The following NUP85 variants were observed in gnomAD, a reference collection of about 807,000 sequenced individuals.
NUP85 encodes nucleoporin 85.
In NUP85, 23 loss-of-function variants were observed where a neutral mutation model predicts 92.8. That is an observed-to-expected ratio of 0.25 (90% CI 0.18 to 0.35). NUP85 has a LOEUF of 0.35. Ranked by LOEUF, NUP85 falls within the 10% of genes least tolerant of loss-of-function variation. NUP85 has a pLI of 1.00. For missense variants in NUP85, 759 were observed against 822.8 expected (o/e 0.92, Z 0.95); for synonymous variants, 314 against 306.9 (o/e 1.02, Z -0.24).
At chr17:75,212,505 G>A (rs1162089783) in intron 4 of NUP85, among the ~76,000 whole-genome samples, 2 of 118,612 alleles carry the variant, frequency 1.7e-5, no homozygotes, top group African/African-American at 6.5e-5. Context: ...TTGAGACAAG[G>A]TTGCCCAGGC....
chr17:75,217,675 T>C (rs1410913708), intron 6 of NUP85, among the ~76,000 whole-genome samples: 2 of 151,988 alleles, frequency 1.3e-5, no homozygotes, highest in Admixed American at 1.3e-4. Flanking sequence ...CCCGGCTAAT[T>C]TTTGTATTTT....
At chr17:75,225,518 C>T (rs2075757567) in intron 9 of NUP85, 54 bp downstream of exon 9, 3 of 1,595,798 alleles carry the variant, frequency 1.9e-6, no homozygotes, top group Non-Finnish European at 2.6e-6. Flanking sequence ...GGGGCTGTGG[C>T]ATCCAGTGCA....
At chr17:75,206,297 TA>T (rs897218298) in intron 1 of NUP85, among the ~76,000 whole-genome samples, 2 of 152,008 alleles carry the variant, frequency 1.3e-5, no homozygotes, top group Non-Finnish European at 2.9e-5. Flanking sequence ...GTGATGTGTA[TA>T]AAAAAAATTC....
chr17:75,213,131 C>A lies in NUP85; in HGVS notation c.405+12C>A. 1 of 1,613,012 alleles carries A rather than the reference C, an allele frequency of 6.2e-7. No homozygotes were observed. Among genetic ancestry groups the A allele is most frequent in the South Asian group, 1.1e-5 (1 of 90,758 alleles). On this transcript the variant is annotated intron_variant, in intron 5 of 18. Transcript: ENST00000245544. ...AGTTCAGCAGCCAGGTAAGGGGAGT[C>A]ACCTTTATTGTTTTAGCACCACTGT...
chr17:75,210,270 G>A (rs1308733150), intron 3 of NUP85, among the ~76,000 whole-genome samples: 2 of 152,280 alleles, frequency 1.3e-5, no homozygotes, highest in Admixed American at 6.5e-5. Flanking sequence ...TGTGAGAGTC[G>A]TTGAATGAGG....
intron 7 of NUP85, among the ~76,000 whole-genome samples, chr17:75,221,732 G>C (rs2075604087): frequency 6.6e-6 from 1 of 152,168 alleles, no homozygotes; most frequent in Non-Finnish European, 1.5e-5. Context: ...TGGGGTGAGG[G>C]GGCATTGGAG....
At chr17:75,228,748 T>A (rs1371716819) in intron 11 of NUP85, 1 of 985,298 alleles carries the variant, frequency 1.0e-6, no homozygotes, top group African/African-American at 1.7e-5. Flanking sequence ...CACCTTCATA[T>A]GAACATGGAG....
intron 7 of NUP85, among the ~76,000 whole-genome samples, chr17:75,224,876 G>A (rs1213092875): frequency 6.6e-6 from 1 of 151,554 alleles, no homozygotes; most frequent in African/African-American, 2.4e-5. Context: ...GACTACAGCT[G>A]GCTGTTTGAA....
Position 75,235,698 on chromosome 17 carries a change from A to ATCTT in NUP85, c.*21_*24dup. The ATCTT allele has an allele frequency of 6.6e-7, 1 of 1,522,286 alleles. No individual in the cohort carries two copies. Among genetic ancestry groups the ATCTT allele is most frequent in the Non-Finnish European group, 9.1e-7 (1 of 1,099,438 alleles). 94.3% of individuals were successfully genotyped at this position (1,522,286 alleles called of 1,614,324 possible). On this transcript the variant is annotated 3_prime_UTR_variant, in exon 19 of 19. Coordinates refer to ENST00000245544, the MANE Select transcript of NUP85 (RefSeq NM_024844.5). ...TTCCTGAGAACTGCTTCAATGTGGT[A>ATCTT]TCTTTGTATGGCAATGTATATAGAT...
In NUP85 at chr17:75,231,715, C is replaced by T; in HGVS notation, c.1244+77C>T. 2 of 1,603,746 alleles carry T rather than the reference C, an allele frequency of 1.2e-6. No homozygotes were observed. Among genetic ancestry groups the T allele is most frequent in the Admixed American group, 1.7e-5 (1 of 59,922 alleles). On this transcript the variant is annotated intron_variant, in intron 13 of 18. Transcript: ENST00000245544. This position sits in a 1 kb window ranked among gnomAD's most constrained non-coding sequence, Gnocchi z 4.6. ...GTGCCATTGGAGCTTGGACTGTTCTCTCCCAGTTGGCTCCTTGAAGGCTTC... is the reference window on the plus strand; with the variant it reads ...GTGCCATTGGAGCTTGGACTGTTCTTTCCCAGTTGGCTCCTTGAAGGCTTC...
At position 75,218,221 on chromosome 17, in the gene NUP85, G is replaced by C; in HGVS notation, c.512G>C (p.Arg171Pro). The C allele has an allele frequency of 6.2e-7, 1 of 1,613,910 alleles. No individual in the cohort carries two copies. Among genetic ancestry groups the C allele is most frequent in the Non-Finnish European group, 8.5e-7 (1 of 1,179,926 alleles). ...CTCCTCCATCTCCTTGACTGGGTCC[G>C]GCTCCATGTGTGCGAGGTGGACAGT... The part of the protein sequence containing the change: ...PLLLHLLDWV[R>P]LHVCEVDSLS... Residue 171 changes from arginine to proline, a missense_variant, in exon 7 of 19, where the codon CGG becomes CCG. Transcript: ENST00000245544.
intron 14 of NUP85, 35 bp from the exon 15 acceptor site, chr17:75,232,816 T>C (rs2076126858): frequency 6.3e-7 from 1 of 1,587,166 alleles, no homozygotes. Flanking sequence ...ATTTGTGGAG[T>C]GAAAGCCGTT....
At chr17:75,216,921 C>T (rs973693087) in intron 6 of NUP85, among the ~76,000 whole-genome samples, 2 of 152,132 alleles carry the variant, frequency 1.3e-5, no homozygotes, top group Non-Finnish European at 2.9e-5. Context: ...AGTTCTCACT[C>T]TGTCACTTAG....
At chr17:75,208,494 T>C (rs2075158912) in intron 1 of NUP85, 33 bp from the exon 2 acceptor site, 3 of 1,167,692 alleles carry the variant, frequency 2.6e-6, no homozygotes, top group African/African-American at 1.5e-5. Flanking sequence ...AAGAACATTT[T>C]TCATTTTAGA....
intron 4 of NUP85, 54 bp downstream of exon 4, chr17:75,212,116 T>G: frequency 9.8e-6 from 10 of 1,020,486 alleles, no homozygotes; most frequent in African/African-American, 4.9e-5. Context: ...GTGTGGGTAT[T>G]TTGAGTATTT....
rs1289387594 is a variant in NUP85, at chr17:75,212,000, G to A, written c.299G>A (p.Arg100Gln). The change falls in exon 4 of 19, where the codon CGA (arginine) becomes CAA (glutamine). Residue 100 changes from arginine (R) to glutamine (Q), a missense_variant. Physicochemically the swap from Arg to Gln is conservative, Grantham distance 43. Coordinates refer to ENST00000245544, the MANE Select transcript of NUP85 (RefSeq NM_024844.5). ...TATTTCATTTTTTGTAGATTGGTTC[G>A]AGTGAGTAAAAACTACCGATCAGTC... ...TGKSRKSQLV[R>Q]VSKNYRSVIR... 5 of 1,612,672 alleles carry A rather than the reference G, an allele frequency of 3.1e-6. No individual in the cohort carries two copies. The highest frequency in any genetic ancestry group is 4.2e-6 in the Non-Finnish European group (5 of 1,179,358).
At chr17:75,227,417 C>T (rs146853475) in intron 11 of NUP85, among the ~76,000 whole-genome samples, 51 of 146,574 alleles carry the variant, frequency 3.5e-4, no homozygotes, top group African/African-American at 1.1e-3. Context: ...CTCACTGCAA[C>T]CTCCACCTAC....
rs1388248420 is a variant in NUP85, at chr17:75,215,760, A to G, written c.412A>G (p.Ile138Val). ...NGRQFSSQVS[I>V]LSAMELIWNL... is the part of the protein sequence containing the mutation. ...GTCCCCATTTCTTCCTTAGGTCTCC[A>G]TTTTGTCAGCAATGGAGCTCATCTG... is the stretch of plus-strand genomic sequence containing the variant. Residue 138 changes from isoleucine (I) to valine (V), a missense_variant, in exon 6 of 19, where the codon ATT (isoleucine) becomes GTT (valine). Transcript: ENST00000245544. The G allele has an allele frequency of 6.2e-7, 1 of 1,613,916 alleles. No individual in the cohort carries two copies. The highest frequency in any genetic ancestry group is 1.1e-5 in the South Asian group (1 of 91,084).
chr17:75,220,577 TA>T (rs2075568954), intron 7 of NUP85, among the ~76,000 whole-genome samples: 1 of 151,748 alleles, frequency 6.6e-6, no homozygotes, highest in Admixed American at 6.6e-5. Context: ...CACCACCAGC[TA>T]AAGTTTTTAT....
Sources: gnomAD v4.1 joint callset for allele counts (sites outside exome capture counted in the v4.1 genomes callset) on GRCh38, gnomAD v4.1.1 for gene constraint, Gnocchi (gnomAD v3.1) non-coding constraint, MANE v1.5 for transcripts, NCBI Gene and HGNC (gene_info 2026-07-23, HGNC 2026-07-21) for gene names.